CNIH3: variants seen among roughly 807,000 people sequenced by gnomAD.
CNIH3 encodes the protein protein cornichon homolog 3.
A neutral mutation model predicts 24.1 loss-of-function variants in CNIH3; 14 were observed. The observed-to-expected ratio is 0.58, with a 90% CI of 0.38 to 0.91. The LOEUF (loss-of-function observed/expected upper bound fraction) is 0.91, where lower values mean the gene tolerates loss of function less well. Ranked by LOEUF, CNIH3 falls within the 40% of genes least tolerant of loss-of-function variation. The pLI is 0.00. For missense variants in CNIH3, 178 were observed against 196.8 expected (o/e 0.90, Z 0.57); for synonymous variants, 68 against 73.8 (o/e 0.92, Z 0.40).
chr1:224,614,547 C>A (rs1476947420), upstream of CNIH3, among the ~76,000 whole-genome samples: 1 of 152,194 alleles, frequency 6.6e-6, no homozygotes, highest in Non-Finnish European at 1.5e-5. Context: ...TGTGGTGGTG[C>A]ATGCCTGTAG....
rs375175626 is a variant in CNIH3, at chr1:224,654,380, TCAA to T, written c.82-26570_82-26568del. On this transcript the variant is annotated intron_variant, in intron 1 of 5. Transcript: ENST00000272133. ...CTAGGCAACAGAGCAAGACTCCATC[TCAA>T]CAACAACGAAAAAAAGATTTTAAGT... Among the ~76,000 whole-genome samples the T allele has an allele frequency of 3.5e-3, 535 of 152,334 alleles. 6 individuals carry two copies. The highest frequency in any genetic ancestry group is 0.012 in the African/African-American group (503 of 41,570).
chr1:224,649,517 T>C (rs79804795), intron 1 of CNIH3, among the ~76,000 whole-genome samples: 1 of 152,372 alleles, frequency 6.6e-6, no homozygotes, highest in East Asian at 1.9e-4. Flanking sequence ...AATGTATACC[T>C]AATTTCCAGC....
chr1:224,655,028 G>T (rs1685034310), intron 1 of CNIH3, among the ~76,000 whole-genome samples: 1 of 152,078 alleles, frequency 6.6e-6, no homozygotes, highest in African/African-American at 2.4e-5. Flanking sequence ...TTAATGAAGG[G>T]ACTATTTACA....
At chr1:224,530,863 G>T (rs902266897) in intron 2 of CNIH3, among the ~76,000 whole-genome samples, 7 of 152,146 alleles carry the variant, frequency 4.6e-5, no homozygotes, top group Non-Finnish European at 7.3e-5. Context: ...CTCCCAAAGT[G>T]CTAGGATTAT....
downstream of CNIH3, among the ~76,000 whole-genome samples, chr1:224,590,685 C>T (rs530260540): frequency 6.6e-6 from 1 of 152,238 alleles, no homozygotes; most frequent in African/African-American, 2.4e-5. Context: ...CTAAACACCC[C>T]CCCTTAGGTC....
chr1:224,568,889 T>A (rs983663582), intron 4 of CNIH3, among the ~76,000 whole-genome samples: 177 of 152,154 alleles, frequency 1.2e-3, no homozygotes, highest in Non-Finnish European at 7.9e-4. Context: ...CTTTTTTTTT[T>A]AAGACAGAGT....
At chr1:224,486,229 C>A (rs1431254264) in intron 1 of CNIH3, among the ~76,000 whole-genome samples, 1 of 152,088 alleles carries the variant, frequency 6.6e-6, no homozygotes, top group African/African-American at 2.4e-5. Context: ...CCTCAGCCTC[C>A]CCAGAAGCTG....
Position 224,740,550 on chromosome 1 carries a change from C to G in CNIH3, c.*1194C>G, listed in dbSNP as rs1210344242. ...TATGTTTATTAAAATGCAGCGACAA[C>G]TTGAGTGTCTCACTTAACTGGCTCT... is the stretch of plus-strand genomic sequence containing the variant. On this transcript the variant is annotated 3_prime_UTR_variant, in exon 6 of 6. Coordinates refer to ENST00000272133, the MANE Select transcript of CNIH3 (RefSeq NM_152495.2). The G allele has an allele frequency of 1.3e-5, 2 of 152,238 alleles. No homozygotes were observed. The highest frequency in any genetic ancestry group is 2.4e-5 in the African/African-American group (1 of 41,452). 9.4% of individuals were successfully genotyped at this position (152,238 alleles called of 1,614,324 possible).
At chr1:224,603,376 A>G (rs1192512371) in intron 3 of CNIH3, among the ~76,000 whole-genome samples, 2 of 152,222 alleles carry the variant, frequency 1.3e-5, no homozygotes, top group East Asian at 1.9e-4. Context: ...CACAGGATCA[A>G]TGCTATCTTC....
intron 3 of CNIH3, among the ~76,000 whole-genome samples, chr1:224,696,649 G>T (rs996330247): frequency 2.0e-5 from 3 of 152,182 alleles, no homozygotes; most frequent in African/African-American, 4.8e-5. Context: ...GGGAAGTGCT[G>T]GCTGTTGGCT....
intron 1 of CNIH3, among the ~76,000 whole-genome samples, chr1:224,647,278 C>T (rs1039684553): frequency 1.4e-4 from 21 of 152,230 alleles, no homozygotes; most frequent in African/African-American, 4.3e-4. Context: ...GCACTGTGCC[C>T]GTCCTACAGT....
At chr1:224,559,876 T>C (rs12128745) in intron 3 of CNIH3, among the ~76,000 whole-genome samples, 285 of 152,278 alleles carry the variant, frequency 1.9e-3, no homozygotes, top group Non-Finnish European at 2.9e-3. Flanking sequence ...GTAACCACTA[T>C]CCTGGTCTTC....
chr1:224,624,961 C>A (rs999865418), intron 1 of CNIH3, among the ~76,000 whole-genome samples: 3 of 152,134 alleles, frequency 2.0e-5, no homozygotes, highest in African/African-American at 7.2e-5. Context: ...TCTAGGAAGC[C>A]GCATTCTCCC....
At chr1:224,687,435 GT>G (rs1268452661) in intron 3 of CNIH3, among the ~76,000 whole-genome samples, 3 of 152,022 alleles carry the variant, frequency 2.0e-5, no homozygotes, top group Non-Finnish European at 4.4e-5. Context: ...TTCTTGCTTT[GT>G]TGTCCAGGCT....
At chr1:224,606,590 G>A (rs1394409471) in intron 3 of CNIH3, among the ~76,000 whole-genome samples, 1 of 152,178 alleles carries the variant, frequency 6.6e-6, no homozygotes. Context: ...GTGGGCCAGG[G>A]TGGTTTTGGA....
At chr1:224,452,580 G>A (rs942802774) in intron 1 of CNIH3, among the ~76,000 whole-genome samples, 35 of 149,802 alleles carry the variant, frequency 2.3e-4, no homozygotes, top group African/African-American at 3.4e-4. Context: ...AGGAGATTGA[G>A]ACCATCCTGG....
intron 4 of CNIH3, among the ~76,000 whole-genome samples, chr1:224,733,295 T>G (rs1195022916): frequency 2.0e-5 from 3 of 152,240 alleles, no homozygotes; most frequent in Admixed American, 2.0e-4. Flanking sequence ...GACTGGTGAC[T>G]GGCAGGGCCT....
upstream of CNIH3, among the ~76,000 whole-genome samples, chr1:224,513,075 A>G (rs888104222): frequency 3.9e-5 from 6 of 152,054 alleles, no homozygotes; most frequent in Admixed American, 1.3e-4. Flanking sequence ...TTCTGTTTTT[A>G]TCTCTTTTTC....
At chr1:224,539,073 C>T (rs1463478197), downstream of CNIH3, among the ~76,000 whole-genome samples, 1 of 145,516 alleles carries the variant, frequency 6.9e-6, no homozygotes. Context: ...CTCTAAATTT[C>T]TTGTGGCTAA....
Sources: allele counts gnomAD v4.1 joint callset (sites outside exome capture counted in the v4.1 genomes callset), GRCh38; gene constraint gnomAD v4.1.1; transcripts MANE v1.5; gene names NCBI Gene and HGNC (gene_info 2026-07-23, HGNC 2026-07-21).